Variants in GTF3C1 observed in about 807,000 individuals in gnomAD.
The protein encoded by GTF3C1 is general transcription factor IIIC subunit 1.
In GTF3C1, 57 loss-of-function variants were observed where a neutral mutation model predicts 226.7. The ratio of observed to expected loss-of-function variants is 0.25; its 90% CI spans 0.20 to 0.31. The LOEUF is 0.31. Ranked by LOEUF, GTF3C1 falls within the 10% of genes least tolerant of loss-of-function variation. The pLI, the probability that GTF3C1 is intolerant of heterozygous loss-of-function variation, is 1.00. For synonymous variants in GTF3C1, 1,090 were observed against 1,084.8 expected (o/e 1.00, Z -0.09); for missense variants, 2,217 against 2,776.1 (o/e 0.80, Z 4.53).
At position 27,469,478 on chromosome 16, in the gene GTF3C1, C is replaced by T. The variant is rs1446300559; in HGVS notation, c.4887G>A (p.Lys1629=). 3.1e-6 allele frequency: 5 copies of T among 1,614,222 alleles called. No individual in the cohort carries two copies. In the East Asian group the frequency reaches 8.9e-5, roughly 29 times the overall value. The change falls in exon 32 of 37, where the codon AAG becomes AAA. Residue 1629 remains lysine, a synonymous_variant. Coordinates refer to ENST00000356183, the MANE Select transcript of GTF3C1 (RefSeq NM_001520.4). This position sits in a 1 kb window ranked among gnomAD's most constrained non-coding sequence, Gnocchi z 4.5. ...EDDLDEGVGG[K]RRSMEVKPAQ... is the part of the protein sequence containing the mutation. ...CAGGTTTCACCTCCATGCTCCGGCGCTTGCCCCCTACACCTTCGTCCAAGT... is the reference window on the plus strand; with the variant it reads ...CAGGTTTCACCTCCATGCTCCGGCGTTTGCCCCCTACACCTTCGTCCAAGT...
At chr16:27,487,335 G>A (rs531220519) in intron 23 of GTF3C1, among the ~76,000 whole-genome samples, 7 of 152,300 alleles carry the variant, frequency 4.6e-5, no homozygotes, top group South Asian at 4.2e-4. Flanking sequence ...GCTACCAGCC[G>A]TCAGTGGCTG....
chr16:27,531,392 T>G (rs570368226), intron 5 of GTF3C1, among the ~76,000 whole-genome samples: 1 of 152,218 alleles, frequency 6.6e-6, no homozygotes, highest in Non-Finnish European at 1.5e-5. Context: ...TCTGTCTATG[T>G]GGGGAAAAGC....
intron 11 of GTF3C1, among the ~76,000 whole-genome samples, chr16:27,502,563 A>C (rs1408055201): frequency 6.6e-6 from 1 of 152,144 alleles, no homozygotes. Context: ...AGGTAAGGAA[A>C]AGCTGAACGC....
At position 27,484,370 on chromosome 16, in the gene GTF3C1, G is replaced by A. The variant is rs200854864; in HGVS notation, c.3859-17C>T. On this transcript the variant is annotated splice_polypyrimidine_tract_variant and intron_variant, in intron 24 of 36. Transcript: ENST00000356183. ...GCCCTTCACCTGGATCAAACACAGA[G>A]CCAAGACAAAAAGTCAGTATCCTCA... The A allele has an allele frequency of 8.3e-4, 1,316 of 1,589,204 alleles. 23 individuals are homozygous for A. In the South Asian group the frequency reaches 0.012, roughly 14 times the overall value.
chr16:27,493,817 GA>G (rs777073345), intron 16 of GTF3C1, among the ~76,000 whole-genome samples: 23 of 152,068 alleles, frequency 1.5e-4, no homozygotes, highest in Non-Finnish European at 3.2e-4. Context: ...AGACACATAA[GA>G]ATACTATGAC....
chr16:27,499,991 T>A (rs1357717883), intron 12 of GTF3C1, among the ~76,000 whole-genome samples: 1 of 152,168 alleles, frequency 6.6e-6, no homozygotes, highest in African/African-American at 2.4e-5. Context: ...GCAAGAGGCC[T>A]GGGCACTTTC....
Position 27,463,026 on chromosome 16 carries a change from C to G in GTF3C1, c.5924+515G>C, listed in dbSNP as rs138554099. The G allele has an allele frequency of 3.0e-4, 51 of 172,426 alleles. 1 individual carries two copies. The highest frequency in any genetic ancestry group is 9.3e-4 in the African/African-American group (39 of 42,072). The allele number at this position is 172,426 out of a possible 1,614,324, so 10.7% of individuals were successfully genotyped here. A position where few individuals can be genotyped will look rare whatever the true frequency, so the allele number is the denominator to read the frequency against. On this transcript the variant is annotated intron_variant, in intron 35 of 36. Coordinates refer to ENST00000356183, the MANE Select transcript of GTF3C1 (RefSeq NM_001520.4). The surrounding 1 kb of genome is among the most constrained non-coding windows in gnomAD (Gnocchi z 4.9). ...ATGGCTGGGCCTTGGAGGGGGCACA[C>G]CTGAGCTCTTGAAAGCCAGGACACA...
At position 27,464,652 on chromosome 16, in the gene GTF3C1, G is replaced by C; in HGVS notation, c.5540C>G (p.Pro1847Arg). Reference sequence around the variant, plus strand: ...GTGAGAAGGAGGTGCCTGCCCCTCGGGGGGGCTGTCCTCACTGGAAGACCC... The same window carrying C: ...GTGAGAAGGAGGTGCCTGCCCCTCGCGGGGGCTGTCCTCACTGGAAGACCC... Reference protein sequence around the residue: ...LEGSSSEDSPPEGQAPPSHSP... With the variant: ...LEGSSSEDSPREGQAPPSHSP... The change falls in exon 34 of 37, where the codon CCC (proline) becomes CGC (arginine). Residue 1847 changes from proline to arginine, a missense_variant. Transcript: ENST00000356183. 1 of 1,525,466 alleles carries C rather than the reference G, an allele frequency of 6.6e-7. No homozygotes were observed. Among genetic ancestry groups the C allele is most frequent in the Non-Finnish European group, 8.8e-7 (1 of 1,140,228 alleles). 94.5% of individuals were successfully genotyped at this position (1,525,466 alleles called of 1,614,324 possible). A position where few individuals can be genotyped will look rare whatever the true frequency, so the allele number is the denominator to read the frequency against.
intron 6 of GTF3C1, among the ~76,000 whole-genome samples, chr16:27,522,929 G>C (rs113494075): frequency 1.1e-3 from 170 of 152,250 alleles, no homozygotes; most frequent in African/African-American, 3.9e-3. Context: ...CCGATCTTCT[G>C]TCCTGAAATC....
At chr16:27,539,477 C>T (rs534703558) in intron 2 of GTF3C1, among the ~76,000 whole-genome samples, 1 of 152,320 alleles carries the variant, frequency 6.6e-6, no homozygotes, top group African/African-American at 2.4e-5. Context: ...CCTGCTCAAT[C>T]CAACTGACAT....
At chr16:27,468,661 C>T (rs2087819097) in intron 32 of GTF3C1, among the ~76,000 whole-genome samples, 2 of 151,612 alleles carry the variant, frequency 1.3e-5, no homozygotes, top group African/African-American at 4.8e-5. Flanking sequence ...CTTTGGGAGG[C>T]GGAGGTGGGA....
At chr16:27,465,234 T>C (rs936636917) in intron 33 of GTF3C1, 26 bp downstream of exon 33, 23 of 1,608,806 alleles carry the variant, frequency 1.4e-5, no homozygotes, top group Non-Finnish European at 1.9e-5. Context: ...TTCGGTGATA[T>C]CCGGCTAACC....
At position 27,489,083 on chromosome 16, in the gene GTF3C1, T is replaced by C. The variant is rs1259602068; in HGVS notation, c.3389A>G (p.Asn1130Ser). 5 of 1,614,006 alleles carry C rather than the reference T, an allele frequency of 3.1e-6. No homozygotes were observed. Among genetic ancestry groups the C allele is most frequent in the Non-Finnish European group, 4.2e-6 (5 of 1,179,922 alleles). The change falls in exon 21 of 37, where the codon AAC becomes AGC. Residue 1130 changes from asparagine to serine, a missense_variant. Physicochemically the swap from Asn to Ser is conservative, Grantham distance 46 (BLOSUM62 1). Coordinates refer to ENST00000356183, the MANE Select transcript of GTF3C1 (RefSeq NM_001520.4). ...GATGATGTAGCTGGTCCAGATCCAG[T>C]TGCGCTTGAGGTGTCCGTAGAAGCT... ...DSSFYGHLKR[N>S]WIWTSYIINQ...
At chr16:27,533,760 C>T (rs895322498) in intron 4 of GTF3C1, among the ~76,000 whole-genome samples, 1 of 152,180 alleles carries the variant, frequency 6.6e-6, no homozygotes. Flanking sequence ...AATCCCAGCA[C>T]TTTGGGAGGC....
intron 2 of GTF3C1, 103 bp from the exon 3 acceptor site, chr16:27,538,459 TAGG>T (rs1209661911): frequency 2.8e-6 from 2 of 718,384 alleles, no homozygotes; most frequent in East Asian, 2.8e-5. Flanking sequence ...CTGCTTCTGC[TAGG>T]AGTTTACAAG....
Position 27,511,909 on chromosome 16 carries a change from C to T in GTF3C1, c.974-8G>A. The T allele has an allele frequency of 6.2e-7, 1 of 1,613,702 alleles. No individual in the cohort carries two copies. The highest frequency in any genetic ancestry group is 8.5e-7 in the Non-Finnish European group (1 of 1,180,002). On this transcript the variant is annotated splice_region_variant and splice_polypyrimidine_tract_variant and intron_variant, in intron 6 of 36. Coordinates refer to ENST00000356183, the MANE Select transcript of GTF3C1 (RefSeq NM_001520.4). ...GAACCATGACGTCGGTCCCTGGCAA[C>T]ACAAGCACGGGTTTGCCAGCAATGA... is the stretch of plus-strand genomic sequence containing the variant.
rs756134739 is a variant in GTF3C1, at chr16:27,464,875, C to T, written c.5356-39G>A. On this transcript the variant is annotated intron_variant, in intron 33 of 36. Coordinates refer to ENST00000356183, the MANE Select transcript of GTF3C1 (RefSeq NM_001520.4). ...AGACACGCGGGGTCTGTGGGGAGCT[C>T]GGGATCCTCCACGCTGGTGACGGGG... The T allele has an allele frequency of 3.5e-5, 52 of 1,466,550 alleles. No homozygotes were observed. In the Middle Eastern group the frequency reaches 8.5e-4, roughly 24 times the overall value. 90.8% of individuals were successfully genotyped at this position (1,466,550 alleles called of 1,614,324 possible).
intron 2 of GTF3C1, among the ~76,000 whole-genome samples, chr16:27,541,092 C>T (rs1454903616): frequency 2.0e-5 from 3 of 152,180 alleles, no homozygotes; most frequent in South Asian, 2.1e-4. Context: ...CCACCCCCCT[C>T]GGCCTCCCAA....
At position 27,507,348 on chromosome 16, in the gene GTF3C1, CCA is replaced by C. The variant is rs1249569541; in HGVS notation, c.1243-194_1243-193del. 6.6e-6 allele frequency among the ~76,000 whole-genome samples: 1 copy of C among 152,190 alleles called. No individual in the cohort carries two copies. Among genetic ancestry groups the C allele is most frequent in the Admixed American group, 6.5e-5 (1 of 15,286 alleles). ...CTCTGTAATCCCCCAGGTCTTCCTT[CCA>C]CAGAGATCCTTCTCTGAAGTACAAC... On this transcript the variant is annotated intron_variant, in intron 8 of 36. Transcript: ENST00000356183. The surrounding 1 kb of genome is among the most constrained non-coding windows in gnomAD (Gnocchi z 4.9).
Sources: allele counts gnomAD v4.1 joint callset (sites outside exome capture counted in the v4.1 genomes callset), GRCh38; gene constraint gnomAD v4.1.1; non-coding constraint Gnocchi (gnomAD v3.1); transcripts MANE v1.5; gene names NCBI Gene and HGNC (gene_info 2026-07-23, HGNC 2026-07-21).